Variants in TBKBP1 observed in about 807,000 individuals in gnomAD.
The protein encoded by TBKBP1 is TBK1 binding protein 1, also known as TANK-binding kinase 1-binding protein 1.
A neutral mutation model predicts 69.9 loss-of-function variants in TBKBP1; 47 were observed. The ratio of observed to expected loss-of-function variants is 0.67; its 90% CI spans 0.53 to 0.86. The LOEUF is 0.86. Ranked by LOEUF, TBKBP1 falls within the 40% of genes least tolerant of loss-of-function variation. The probability of loss-of-function intolerance (pLI) is 0.00; values close to 1 mark genes in which losing one functional copy is unlikely to be tolerated. For missense variants in TBKBP1, 831 were observed against 858.6 expected, an observed-to-expected ratio of 0.97 and a Z score of 0.40; for synonymous variants, 418 against 390.3, an observed-to-expected ratio of 1.07 and a Z score of -0.84.
intron 4 of TBKBP1, among the ~76,000 whole-genome samples, chr17:47,697,949 CAAAAAAAAAAAAAAAAA>C (rs1170697190): frequency 2.7e-5 from 1 of 36,938 alleles, no homozygotes; most frequent in African/African-American, 1.0e-4. Flanking sequence ...ACCCTGTCTC[CAAAAAAAAAAAAAAAAA>C]AAAAAAAAAT....
chr17:47,696,151 G>T lies in TBKBP1; in HGVS notation c.39G>T (p.Thr13=), dbSNP rs762201898. 4 of 1,613,012 alleles carry T rather than the reference G, an allele frequency of 2.5e-6. No homozygotes were observed. Among genetic ancestry groups the T allele is most frequent in the Non-Finnish European group, 3.4e-6 (4 of 1,179,644 alleles). ...SMFEDDISIL[T]QEALGPSEVW... ...TCGAGGACGACATCAGCATCCTGAC[G>T]CAGGAGGCCCTGGGGCCTAGTGAGG... Residue 13 remains threonine, a synonymous_variant, in exon 2 of 10, where the codon ACG becomes ACT. Coordinates refer to ENST00000578982, the MANE Select transcript of TBKBP1 (RefSeq NM_001394755.1).
At chr17:47,697,323 T>C (rs779564902) in intron 4 of TBKBP1, 130 bp downstream of exon 4, 103 of 784,846 alleles carry the variant, frequency 1.3e-4, no homozygotes, top group Non-Finnish European at 2.5e-5. Flanking sequence ...CATCACTTGT[T>C]TGTGCCCTGC....
chr17:47,700,510 C>T (rs1042462909), intron 7 of TBKBP1, among the ~76,000 whole-genome samples: 3 of 151,644 alleles, frequency 2.0e-5, no homozygotes, highest in Non-Finnish European at 4.4e-5. Context: ...AGTGTAATGT[C>T]CCCTGCTGAG....
chr17:47,696,830 T>A lies in TBKBP1; in HGVS notation c.345T>A (p.His115Gln), dbSNP rs753629694. The change falls in exon 3 of 10, where the codon CAT becomes CAA. Residue 115 changes from histidine to glutamine, a missense_variant. Physicochemically the swap from His to Gln is conservative, Grantham distance 24. Coordinates refer to ENST00000578982, the MANE Select transcript of TBKBP1 (RefSeq NM_001394755.1). ...SLQQRLNQFQHELQKNKEQEE... is the reference protein window; with the variant it reads ...SLQQRLNQFQQELQKNKEQEE... ...AGCAACGGCTCAACCAGTTCCAGCA[T>A]GAGGTGAGCCTACCAGGCTGGGCGC... 5.6e-6 allele frequency: 9 copies of A among 1,613,536 alleles called. No individual in the cohort carries two copies. Among genetic ancestry groups the A allele is most frequent in the Non-Finnish European group, 7.6e-6 (9 of 1,179,712 alleles).
At chr17:47,694,905 G>T in intron 1 of TBKBP1, among the ~76,000 whole-genome samples, 1 of 148,208 alleles carries the variant, frequency 6.7e-6, no homozygotes, top group African/African-American at 2.5e-5. Flanking sequence ...GGGGTGGATT[G>T]AATTGGAGCC....
intron 7 of TBKBP1, among the ~76,000 whole-genome samples, chr17:47,705,125 TC>T (rs2031653260): frequency 6.6e-6 from 1 of 152,196 alleles, no homozygotes; most frequent in East Asian, 1.9e-4. Flanking sequence ...AGGTCCCCAG[TC>T]CCCTCCTCCT....
Position 47,711,709 on chromosome 17 carries a change from T to G in TBKBP1, c.*1083T>G, listed in dbSNP as rs1597973565. 6.6e-6 allele frequency: 1 copy of G among 151,682 alleles called. No individual in the cohort carries two copies. Among genetic ancestry groups the G allele is most frequent in the African/African-American group, 2.4e-5 (1 of 41,172 alleles). The allele number at this position is 151,682 out of a possible 1,614,324, so 9.4% of individuals were successfully genotyped here. On this transcript the variant is annotated 3_prime_UTR_variant, in exon 10 of 10. Coordinates refer to ENST00000578982, the MANE Select transcript of TBKBP1 (RefSeq NM_001394755.1). Reference sequence around the variant, plus strand: ...GGCCAGGGGGTCCCCAGGGCTGAGGTGGGGAGCCTTCTACGGCGAAAGCCT... The same window carrying G: ...GGCCAGGGGGTCCCCAGGGCTGAGGGGGGGAGCCTTCTACGGCGAAAGCCT...
In TBKBP1 at chr17:47,696,674, G is replaced by A. The variant is rs775613854; in HGVS notation, c.226-37G>A. On this transcript the variant is annotated intron_variant, in intron 2 of 9. Transcript: ENST00000578982. Reference sequence around the variant, plus strand: ...AGGCTGAGGCCTGGGCTGGGCACCCGGGAATCCACTCTCCTGAAGCTCCAC... The same window carrying A: ...AGGCTGAGGCCTGGGCTGGGCACCCAGGAATCCACTCTCCTGAAGCTCCAC... 14 of 1,613,384 alleles carry A rather than the reference G, an allele frequency of 8.7e-6. No individual in the cohort carries two copies. The South Asian group carries it at 9.9e-5, about 11-fold the overall frequency.
chr17:47,698,441 C>T (rs527985000), intron 4 of TBKBP1, among the ~76,000 whole-genome samples, 154 bp from the exon 5 acceptor site: 6 of 152,226 alleles, frequency 3.9e-5, no homozygotes, highest in South Asian at 2.1e-4. Context: ...AGCTGCATTG[C>T]GGTGGCTGAG....
At position 47,708,981 on chromosome 17, in the gene TBKBP1, G is replaced by T. The variant is rs1353353300; in HGVS notation, c.1248G>T (p.Pro416=). The T allele has an allele frequency of 8.9e-7, 1 of 1,127,886 alleles. No individual in the cohort carries two copies. Among genetic ancestry groups the T allele is most frequent in the Non-Finnish European group, 1.1e-6 (1 of 922,428 alleles). The allele number at this position is 1,127,886 out of a possible 1,614,324, so 69.9% of individuals were successfully genotyped here. ...CCCCCAGCCCGCAGCGCCGTTCCCC[G>T]GTGCCCCCCAGCTGCCCGGCCCCGC... is the stretch of plus-strand genomic sequence containing the variant. The part of the protein sequence containing the change: ...CQSPSPQRRS[P]VPPSCPAPQP... Residue 416 remains proline, a synonymous_variant, in exon 9 of 10, where the codon CCG becomes CCT. Coordinates refer to ENST00000578982, the MANE Select transcript of TBKBP1 (RefSeq NM_001394755.1). The surrounding 1 kb of genome is among the most constrained non-coding windows in gnomAD (Gnocchi z 4.4).
chr17:47,696,381 G>A (rs1333474385), intron 2 of TBKBP1, 44 bp downstream of exon 2: 1 of 1,585,360 alleles, frequency 6.3e-7, no homozygotes, highest in East Asian at 2.2e-5. Flanking sequence ...TGTATGGGAT[G>A]GGGAGGGGGA....
intron 9 of TBKBP1, 95 bp from the exon 10 acceptor site, chr17:47,710,403 C>A: frequency 1.3e-6 from 2 of 1,514,932 alleles, no homozygotes; most frequent in Non-Finnish European, 1.8e-6. Context: ...ATGCCACAGC[C>A]CTCCCTGCCC....
intron 7 of TBKBP1, among the ~76,000 whole-genome samples, chr17:47,702,731 A>G (rs1382229068): frequency 6.6e-6 from 1 of 151,886 alleles, no homozygotes; most frequent in Non-Finnish European, 1.5e-5. Flanking sequence ...CAGGGAGACA[A>G]ATTGCCCCAG....
Position 47,709,396 on chromosome 17 carries a change from C to CCCGCCG in TBKBP1, c.1666_1671dup (p.Ala556_Ala557dup). The CCCGCCG allele has an allele frequency of 6.5e-7, 1 of 1,535,524 alleles. No homozygotes were observed. The highest frequency in any genetic ancestry group is 8.7e-7 in the Non-Finnish European group (1 of 1,148,690). On this transcript the variant is annotated inframe_insertion, in exon 9 of 10. Coordinates refer to ENST00000578982, the MANE Select transcript of TBKBP1 (RefSeq NM_001394755.1). ...CGCGGGCTTCCCCATCCCCGAGTCG[C>CCCGCCG]CCGCCGCCACCGCCTACGCCCACGC...
At position 47,699,460 on chromosome 17, in the gene TBKBP1, G is replaced by C. The variant is rs534808123; in HGVS notation, c.775G>C (p.Gly259Arg). The C allele has an allele frequency of 1.8e-5, 28 of 1,573,640 alleles. No homozygotes were observed. Among genetic ancestry groups the C allele is most frequent in the South Asian group, 9.2e-5 (8 of 86,662 alleles). ...CCAGGCCGAGTGCGAGCGGCTGCAGGGGGAGCTGAAGCAGCTGCAGGAGAC... is the reference window on the plus strand; with the variant it reads ...CCAGGCCGAGTGCGAGCGGCTGCAGCGGGAGCTGAAGCAGCTGCAGGAGAC... Reference protein sequence around the residue: ...QLQAECERLQGELKQLQETRA... With the variant: ...QLQAECERLQRELKQLQETRA... The change falls in exon 6 of 10, where the codon GGG (glycine) becomes CGG (arginine). Residue 259 changes from glycine to arginine, a missense_variant. Physicochemically the swap from Gly to Arg is moderately radical, Grantham distance 125. Coordinates refer to ENST00000578982, the MANE Select transcript of TBKBP1 (RefSeq NM_001394755.1).
intron 4 of TBKBP1, among the ~76,000 whole-genome samples, chr17:47,697,573 G>C (rs1200614008): frequency 1.3e-5 from 2 of 152,162 alleles, no homozygotes; most frequent in African/African-American, 4.8e-5. Flanking sequence ...AGGCTGTGAG[G>C]GTGAGGGCAG....
intron 5 of TBKBP1, among the ~76,000 whole-genome samples, chr17:47,698,978 C>A (rs2031372210): frequency 6.6e-6 from 1 of 152,102 alleles, no homozygotes; most frequent in African/African-American, 2.4e-5. Flanking sequence ...TCCTGATCAC[C>A]TCGTTGCAAT....
chr17:47,702,945 C>A (rs1597962786), intron 7 of TBKBP1, among the ~76,000 whole-genome samples: 2 of 101,912 alleles, frequency 2.0e-5, no homozygotes, highest in East Asian at 5.8e-4. Context: ...AGAGTGGGGC[C>A]TTTTGGAGGG....
Position 47,697,289 on chromosome 17 carries a change from G to A in TBKBP1, c.453+96G>A. On this transcript the variant is annotated intron_variant, in intron 4 of 9. Coordinates refer to ENST00000578982, the MANE Select transcript of TBKBP1 (RefSeq NM_001394755.1). ...TCTGTGTGTGAGGATTCCAGCCTGTGACAGTGCAGTCCCATGTGTCACACA... is the reference window on the plus strand; with the variant it reads ...TCTGTGTGTGAGGATTCCAGCCTGTAACAGTGCAGTCCCATGTGTCACACA... The A allele has an allele frequency of 2.8e-6, 3 of 1,060,936 alleles. No individual in the cohort carries two copies. In the South Asian group the frequency reaches 4.3e-5, roughly 15 times the overall value. 65.7% of individuals were successfully genotyped at this position (1,060,936 alleles called of 1,614,324 possible). A position where few individuals can be genotyped will look rare whatever the true frequency, so the allele number is the denominator to read the frequency against.
Sources: gnomAD v4.1 joint callset for allele counts (sites outside exome capture counted in the v4.1 genomes callset) on GRCh38, gnomAD v4.1.1 for gene constraint, Gnocchi (gnomAD v3.1) non-coding constraint, MANE v1.5 for transcripts, NCBI Gene and HGNC (gene_info 2026-07-23, HGNC 2026-07-21) for gene names.